The following VWC2 variants were observed in gnomAD, a reference collection of about 807,000 sequenced individuals.
The protein encoded by VWC2 is von Willebrand factor C domain containing 2.
Under a neutral mutation model 29.8 loss-of-function variants are expected in VWC2, and 14 were observed. That is an observed-to-expected ratio of 0.47 (90% confidence interval 0.31 to 0.74). The LOEUF is 0.74. Ranked by LOEUF, VWC2 falls within the 30% of genes least tolerant of loss-of-function variation. VWC2 has a pLI of 0.05. For synonymous variants in VWC2, 213 were observed against 199.0 expected (o/e 1.07, Z -0.59); for missense variants, 457 against 459.8 (o/e 0.99, Z 0.05).
At chr7:49,825,238 C>G (rs1789367186) in intron 3 of VWC2, among the ~76,000 whole-genome samples, 1 of 152,180 alleles carries the variant, frequency 6.6e-6, no homozygotes, top group Non-Finnish European at 1.5e-5. Flanking sequence ...TTGATTATCT[C>G]TCACTCATTA....
intron 2 of VWC2, among the ~76,000 whole-genome samples, chr7:49,776,872 C>T (rs375930563): frequency 1.4e-4 from 22 of 152,190 alleles, no homozygotes; most frequent in African/African-American, 5.3e-4. Context: ...GAAACAGACA[C>T]AGAATATTTA....
chr7:49,783,850 G>GACC (rs1234202629), intron 2 of VWC2, among the ~76,000 whole-genome samples: 1 of 151,852 alleles, frequency 6.6e-6, no homozygotes, highest in Non-Finnish European at 1.5e-5. Flanking sequence ...AGGAGTTTAA[G>GACC]ACCAGCCTGT....
chr7:49,830,065 T>G (rs957589076), intron 3 of VWC2, among the ~76,000 whole-genome samples: 2 of 152,214 alleles, frequency 1.3e-5, no homozygotes, highest in African/African-American at 4.8e-5. Context: ...CTACTCTATA[T>G]TTTTCTTCCT....
At chr7:49,901,198 T>C (rs1792705054) in intron 3 of VWC2, 2 of 151,996 alleles carry the variant, frequency 1.3e-5, no homozygotes, top group African/African-American at 4.8e-5. Flanking sequence ...TTCAACATCA[T>C]AGTGGAAGTC....
At chr7:49,896,167 C>A (rs986047148) in intron 3 of VWC2, among the ~76,000 whole-genome samples, 1 of 152,046 alleles carries the variant, frequency 6.6e-6, no homozygotes, top group Admixed American at 6.6e-5. Context: ...GTGGTAAAAC[C>A]CTGTCTCTGC....
At chr7:49,885,918 T>C (rs1791884637) in intron 3 of VWC2, among the ~76,000 whole-genome samples, 1 of 152,198 alleles carries the variant, frequency 6.6e-6, no homozygotes, top group Admixed American at 6.5e-5. Context: ...AAGACCTCCG[T>C]GATTCTGGGG....
chr7:49,871,863 A>C (rs576324697), intron 3 of VWC2, among the ~76,000 whole-genome samples: 1 of 150,168 alleles, frequency 6.7e-6, no homozygotes, highest in South Asian at 2.2e-4. Flanking sequence ...ATATACATAC[A>C]TATGTGCATA....
chr7:49,809,178 C>A (rs1788943852), intron 3 of VWC2, among the ~76,000 whole-genome samples: 1 of 151,850 alleles, frequency 6.6e-6, no homozygotes, highest in Non-Finnish European at 1.5e-5. Context: ...AGACACAAGT[C>A]AGGAATGAAA....
intron 3 of VWC2, among the ~76,000 whole-genome samples, chr7:49,854,434 G>A (rs1366091068): frequency 6.6e-6 from 1 of 152,006 alleles, no homozygotes; most frequent in African/African-American, 2.4e-5. Flanking sequence ...ATCTCATTGT[G>A]GTTTTGATTT....
At chr7:49,806,751 C>CGT (rs139583961) in intron 3 of VWC2, among the ~76,000 whole-genome samples, 1 of 150,732 alleles carries the variant, frequency 6.6e-6, no homozygotes, top group East Asian at 1.9e-4. Context: ...TGTGTGTGTG[C>CGT]GTGTGTGTGT....
chr7:49,784,464 C>T lies in VWC2; in HGVS notation c.696+8333C>T, dbSNP rs117905364. On this transcript the variant is annotated intron_variant, in intron 2 of 3. Transcript: ENST00000340652. ...CTGGGAGCATCTCTTGATCTTGGGG[C>T]CTGGGCCCTTGGCACTCATGGCCAA... Among the ~76,000 whole-genome samples, 174 of 152,350 alleles carry T rather than the reference C, an allele frequency of 1.1e-3. 1 individual carries two copies. The highest frequency in any genetic ancestry group is 2.2e-3 in the Non-Finnish European group (150 of 68,034).
At chr7:49,852,027 G>A (rs987993665) in intron 3 of VWC2, among the ~76,000 whole-genome samples, 4 of 152,140 alleles carry the variant, frequency 2.6e-5, no homozygotes, top group South Asian at 4.1e-4. Flanking sequence ...CCTAGGGTCC[G>A]GATTTAATCC....
chr7:49,782,452 G>A (rs1788199041), intron 2 of VWC2, among the ~76,000 whole-genome samples: 1 of 151,928 alleles, frequency 6.6e-6, no homozygotes, highest in African/African-American at 2.4e-5. Context: ...TTGAGGACAG[G>A]GTACTTATCA....
At chr7:49,904,734 T>TA (rs1196701686) in intron 3 of VWC2, among the ~76,000 whole-genome samples, 11 of 120,724 alleles carry the variant, frequency 9.1e-5, no homozygotes, top group African/African-American at 3.3e-4. Flanking sequence ...TAGCATATAT[T>TA]AATTTTTTTT....
At position 49,920,041 on chromosome 7, in the gene VWC2, T is replaced by G. The variant is rs1793949497; in HGVS notation, c.*7856T>G. 6.6e-6 allele frequency: 1 copy of G among 152,176 alleles called. No individual in the cohort carries two copies. Among genetic ancestry groups the G allele is most frequent in the African/African-American group, 2.4e-5 (1 of 41,430 alleles). The allele number at this position is 152,176 out of a possible 1,614,324, so 9.4% of individuals were successfully genotyped here. A position where few individuals can be genotyped will look rare whatever the true frequency, so the allele number is the denominator to read the frequency against. ...TTTAAAATAAACATAATGGTGTTTT[T>G]TTTTGGTACAATAAACAGCATACCT... is the stretch of plus-strand genomic sequence containing the variant. On this transcript the variant is annotated 3_prime_UTR_variant, in exon 4 of 4. Coordinates refer to ENST00000340652, the MANE Select transcript of VWC2 (RefSeq NM_198570.5).
At chr7:49,842,884 C>T (rs543606264) in intron 3 of VWC2, among the ~76,000 whole-genome samples, 18 of 151,998 alleles carry the variant, frequency 1.2e-4, no homozygotes, top group Non-Finnish European at 1.8e-4. Context: ...ATTCATCTCC[C>T]GTTTCTGTTT....
chr7:49,842,891 GT>G (rs1477713408), intron 3 of VWC2, among the ~76,000 whole-genome samples: 1 of 151,946 alleles, frequency 6.6e-6, no homozygotes, highest in African/African-American at 2.4e-5. Context: ...TCCCGTTTCT[GT>G]TTTTTTTCCA....
chr7:49,899,083 T>C (rs1433774903), intron 3 of VWC2, among the ~76,000 whole-genome samples: 2 of 152,062 alleles, frequency 1.3e-5, no homozygotes, highest in Non-Finnish European at 2.9e-5. Context: ...CACACCACTA[T>C]TTGTTGTCTG....
intron 3 of VWC2, among the ~76,000 whole-genome samples, chr7:49,837,856 C>A (rs1789699375): frequency 6.6e-6 from 1 of 152,104 alleles, no homozygotes; most frequent in South Asian, 2.1e-4. Context: ...ATATTTATTT[C>A]TTATTTTGAG....
Sources: gnomAD v4.1 joint callset for allele counts (sites outside exome capture counted in the v4.1 genomes callset) on GRCh38, gnomAD v4.1.1 for gene constraint, MANE v1.5 for transcripts, NCBI Gene and HGNC (gene_info 2026-07-23, HGNC 2026-07-21) for gene names.